GPHN: variants seen among roughly 807,000 people sequenced by gnomAD.
GPHN encodes gephyrin.
GPHN carries 17 observed loss-of-function variants against 95.5 expected under a neutral mutation model. The ratio of observed to expected loss-of-function variants is 0.18; its 90% CI spans 0.12 to 0.27. GPHN has a LOEUF of 0.27. Ranked by LOEUF, GPHN falls within the 10% of genes least tolerant of loss-of-function variation. The pLI, the probability that GPHN is intolerant of heterozygous loss-of-function variation, is 1.00. For missense variants in GPHN, 660 were observed against 978.1 expected (o/e 0.67, Z 4.34); for synonymous variants, 320 against 322.5 (o/e 0.99, Z 0.08).
rs952175746 is a variant in GPHN at position 66,878,448 on chromosome 14, A to C, written c.295-1491A>C. Among the ~76,000 whole-genome samples the C allele has an allele frequency of 6.6e-5, 10 of 152,310 alleles. No homozygotes were observed. The South Asian group carries it at 1.9e-3, about 28-fold the overall frequency. On this transcript the variant is annotated intron_variant, in intron 4 of 22. Transcript: ENST00000478722. Reference sequence around the variant, plus strand: ...ACAGACAACCTACAGAATGGGAGAAAATTTTTGCAATGTCTCTGTCTGACA... The same window carrying C: ...ACAGACAACCTACAGAATGGGAGAACATTTTTGCAATGTCTCTGTCTGACA...
chr14:66,924,178 AT>A lies in GPHN; in HGVS notation c.730-15del. ...TCCTGTCACTATATTCATAGTTGTT[AT>A]GTGTTGTGCATTAGAAGCATCCATT... is the stretch of plus-strand genomic sequence containing the variant. On this transcript the variant is annotated splice_polypyrimidine_tract_variant and intron_variant, in intron 7 of 22. Transcript: ENST00000478722. The A allele has an allele frequency of 7.3e-7, 1 of 1,379,210 alleles. No homozygotes were observed. The highest frequency in any genetic ancestry group is 1.0e-6 in the Non-Finnish European group (1 of 965,954). 85.4% of individuals were successfully genotyped at this position (1,379,210 alleles called of 1,614,324 possible).
At chr14:67,136,796 G>A (rs1241463379) in intron 17 of GPHN, among the ~76,000 whole-genome samples, 1 of 152,126 alleles carries the variant, frequency 6.6e-6, no homozygotes, top group Non-Finnish European at 1.5e-5. Flanking sequence ...ATGTTTTCAT[G>A]TAATATTGGT....
rs369681377 is a variant in GPHN, at chr14:66,797,021, C to CTTTT, written c.201+20518_201+20521dup. On this transcript the variant is annotated intron_variant, in intron 3 of 22. Coordinates refer to ENST00000478722, the MANE Select transcript of GPHN (RefSeq NM_020806.5). The stretch of plus-strand genomic sequence containing the variant: ...ATGGTGAGACATAGGTATCTAGTTC[C>CTTTT]TTTTTTTTTTTTTTTTTTTTTGCAT... Among the ~76,000 whole-genome samples, 92 of 81,188 alleles carry CTTTT rather than the reference C, an allele frequency of 1.1e-3. 1 individual carries two copies. Among genetic ancestry groups the CTTTT allele is most frequent in the African/African-American group, 2.0e-3 (43 of 21,148 alleles). 53.3% of individuals were successfully genotyped at this position (81,188 alleles called of 152,430 possible).
intron 2 of GPHN, among the ~76,000 whole-genome samples, chr14:66,722,639 T>C (rs1428130828): frequency 6.6e-6 from 1 of 152,078 alleles, no homozygotes; most frequent in African/African-American, 2.4e-5. Context: ...AGATGGGGTC[T>C]CACTGTGTTG....
chr14:66,960,406 C>G (rs931266286), intron 8 of GPHN, among the ~76,000 whole-genome samples: 6 of 151,788 alleles, frequency 4.0e-5, no homozygotes, highest in African/African-American at 1.5e-4. Flanking sequence ...TCTCCCCTCT[C>G]CCTGGGGCTT....
chr14:67,578,201 T>C, the GPHN span: 1 of 1,612,320 alleles, frequency 6.2e-7, no homozygotes. The surrounding 1 kb of genome is among the most constrained non-coding windows in gnomAD (Gnocchi z 5.0). Context: ...CTCATGCAGG[T>C]AGGCATGCCA....
chr14:67,590,617 C>T, the GPHN span, among the ~76,000 whole-genome samples: 1 of 152,148 alleles, frequency 6.6e-6, no homozygotes. Flanking sequence ...CCTCGGCTTC[C>T]CAAAGTGCTG....
At chr14:67,690,576 G>T in the GPHN span, 2 of 645,002 alleles carry the variant, frequency 3.1e-6, no homozygotes, top group Non-Finnish European at 5.4e-6. Context: ...TTTAATGAAG[G>T]TTTAGGGAAA....
At chr14:67,508,753 C>CAAAAAAAAAAAAAAAAA in the GPHN span, among the ~76,000 whole-genome samples, 2,302 of 46,118 alleles carry the variant, frequency 0.05, 471 homozygotes, top group Non-Finnish European at 0.06. Context: ...AACCTTGTCT[C>CAAAAAAAAAAAAAAAAA]AAAAAAAAAA....
chr14:67,585,958 A>G, the GPHN span: 2 of 1,612,296 alleles, frequency 1.2e-6, no homozygotes, highest in African/African-American at 2.7e-5. Flanking sequence ...CAGCAAGTGC[A>G]CATCACTTAC....
intron 1 of GPHN, among the ~76,000 whole-genome samples, chr14:66,561,713 C>G (rs1388503099): frequency 6.6e-6 from 1 of 152,062 alleles, no homozygotes; most frequent in African/African-American, 2.4e-5. Context: ...ACAAAAGTTA[C>G]TATACTTTTA....
chr14:66,982,921 T>C (rs1356623913), intron 9 of GPHN, among the ~76,000 whole-genome samples: 1 of 152,186 alleles, frequency 6.6e-6, no homozygotes, highest in Non-Finnish European at 1.5e-5. Context: ...TGCTAATCTT[T>C]TGTGATTTCT....
the GPHN span, among the ~76,000 whole-genome samples, chr14:67,712,493 C>CAAAAAAAAAAAAAAAAAAA: frequency 1.8e-4 from 7 of 38,946 alleles, no homozygotes; most frequent in Non-Finnish European, 2.2e-4. Context: ...AAAAAACTTG[C>CAAAAAAAAAAAAAAAAAAA]AAAAAAAAAA....
At chr14:66,594,791 A>G (rs572410441) in intron 1 of GPHN, among the ~76,000 whole-genome samples, 1 of 152,218 alleles carries the variant, frequency 6.6e-6, no homozygotes, top group Non-Finnish European at 1.5e-5. Flanking sequence ...CCCAAAGCAC[A>G]GACGACAAAA....
chr14:67,708,326 G>A, the GPHN span, among the ~76,000 whole-genome samples: 1,546 of 152,146 alleles, frequency 0.01, 34 homozygotes, highest in African/African-American at 0.036. Context: ...CTTGATATTC[G>A]TGAACACTTC....
chr14:67,341,068 G>A, the GPHN span, among the ~76,000 whole-genome samples: 1 of 152,138 alleles, frequency 6.6e-6, no homozygotes, highest in African/African-American at 2.4e-5. Context: ...CCAAAGTGCC[G>A]AGATTGCAGC....
At chr14:67,130,945 G>C in intron 17 of GPHN, among the ~76,000 whole-genome samples, 1 of 151,994 alleles carries the variant, frequency 6.6e-6, no homozygotes, top group East Asian at 1.9e-4. Flanking sequence ...CAGGTTTTTT[G>C]CCCATTTTCT....
At chr14:67,206,001 T>C in the GPHN span, among the ~76,000 whole-genome samples, 1 of 151,860 alleles carries the variant, frequency 6.6e-6, no homozygotes, top group African/African-American at 2.4e-5. Context: ...CTGGGAAACA[T>C]GGCGAAACCC....
At chr14:67,255,774 C>A in the GPHN span, among the ~76,000 whole-genome samples, 1 of 152,134 alleles carries the variant, frequency 6.6e-6, no homozygotes, top group Non-Finnish European at 1.5e-5. Flanking sequence ...TCTGCCCCTA[C>A]CCACCGGGGT....
Sources: allele counts gnomAD v4.1 joint callset (sites outside exome capture counted in the v4.1 genomes callset), GRCh38; gene constraint gnomAD v4.1.1; non-coding constraint Gnocchi (gnomAD v3.1); transcripts MANE v1.5; gene names NCBI Gene and HGNC (gene_info 2026-07-23, HGNC 2026-07-21).